The following FDFT1 variants were observed in gnomAD, a reference collection of about 807,000 sequenced individuals.
The protein encoded by FDFT1 is farnesyl-diphosphate farnesyltransferase 1.
Under a neutral mutation model 46.8 loss-of-function variants are expected in FDFT1, and 68 were observed. The ratio of observed to expected loss-of-function variants is 1.45; its 90% CI spans 1.19 to 1.78. The LOEUF is 1.78. Ranked by LOEUF, FDFT1 falls within the 40% of genes most tolerant of loss-of-function variation. The pLI is 0.00. For synonymous variants in FDFT1, 351 were observed against 185.1 expected (o/e 1.90, Z -7.28); for missense variants, 928 against 524.4 (o/e 1.77, Z -7.52).
intron 3 of FDFT1, among the ~76,000 whole-genome samples, chr8:11,810,601 G>C (rs779241003): frequency 1.3e-5 from 2 of 152,146 alleles, no homozygotes; most frequent in Non-Finnish European, 2.9e-5. Flanking sequence ...AGTAAAGTGG[G>C]TTATAGTTAA....
intron 3 of FDFT1, among the ~76,000 whole-genome samples, chr8:11,812,064 G>A (rs551206515): frequency 6.0e-4 from 92 of 152,320 alleles, no homozygotes; most frequent in Admixed American, 3.3e-3. Flanking sequence ...TGATACCTTG[G>A]CCTCACACAC....
At chr8:11,835,225 C>G (rs1033032969) in intron 7 of FDFT1, among the ~76,000 whole-genome samples, 1 of 152,170 alleles carries the variant, frequency 6.6e-6, no homozygotes, top group Non-Finnish European at 1.5e-5. Flanking sequence ...TTGATTGAGG[C>G]TAGTAGGTTT....
In FDFT1 at chr8:11,826,118, A is replaced by C; in HGVS notation, c.605A>C (p.Glu202Ala). Residue 202 changes from glutamate to alanine, a missense_variant, in exon 5 of 8, where the codon GAA becomes GCA. Transcript: ENST00000220584. ...FEDPLVGEDT[E>A]RANSMGLFLQ... ...GACCCCTTAGTTGGTGAAGATACAGAACGTGCCAACTCTATGGGCCTGTTT... is the reference window on the plus strand; with the variant it reads ...GACCCCTTAGTTGGTGAAGATACAGCACGTGCCAACTCTATGGGCCTGTTT... 1 of 1,610,304 alleles carries C rather than the reference A, an allele frequency of 6.2e-7. No homozygotes were observed. The highest frequency in any genetic ancestry group is 8.5e-7 in the Non-Finnish European group (1 of 1,177,108).
chr8:11,823,897 C>G (rs988576204), intron 4 of FDFT1, among the ~76,000 whole-genome samples: 4 of 152,192 alleles, frequency 2.6e-5, no homozygotes, highest in Non-Finnish European at 4.4e-5. Context: ...GTCCACACCA[C>G]TACACCAGGC....
intron 3 of FDFT1, among the ~76,000 whole-genome samples, chr8:11,820,049 T>C (rs370655886): frequency 6.6e-5 from 10 of 152,224 alleles, no homozygotes; most frequent in East Asian, 3.8e-4. Context: ...TCCTTTTTGT[T>C]GATATTGATC....
chr8:11,824,088 CTT>C (rs1433399984), intron 4 of FDFT1, among the ~76,000 whole-genome samples: 1 of 152,110 alleles, frequency 6.6e-6, no homozygotes, highest in African/African-American at 2.4e-5. Flanking sequence ...GTCTAAAACT[CTT>C]GGGCTCAAGC....
At chr8:11,808,311 G>A in intron 1 of FDFT1, 2 of 1,228,208 alleles carry the variant, frequency 1.6e-6, no homozygotes, top group Non-Finnish European at 1.0e-6. Context: ...GCGGCCAGTG[G>A]GTTCTGGTGA....
chr8:11,821,901 T>C (rs750166678), intron 4 of FDFT1, 23 bp downstream of exon 4: 3 of 1,607,168 alleles, frequency 1.9e-6, no homozygotes, highest in Non-Finnish European at 2.5e-6. Flanking sequence ...AAACAGTGTC[T>C]GTGTGTGATG....
At chr8:11,828,724 G>A (rs1243219233) in intron 5 of FDFT1, among the ~76,000 whole-genome samples, 1 of 152,272 alleles carries the variant, frequency 6.6e-6, no homozygotes, top group Non-Finnish European at 1.5e-5. Context: ...AGAGTGCTTA[G>A]TAAAGGTTCT....
chr8:11,812,502 C>G (rs918147399), intron 3 of FDFT1, among the ~76,000 whole-genome samples: 1 of 152,188 alleles, frequency 6.6e-6, no homozygotes, highest in African/African-American at 2.4e-5. Context: ...ATATGGGGAT[C>G]AGCTGTCTGT....
At chr8:11,803,438 A>T in intron 1 of FDFT1, 16 of 1,285,816 alleles carry the variant, frequency 1.2e-5, no homozygotes, top group Middle Eastern at 2.4e-4. Flanking sequence ...GTGCTTCCTG[A>T]GTTTTAAAAT....
At chr8:11,832,859 C>G (rs970880594) in intron 7 of FDFT1, among the ~76,000 whole-genome samples, 4 of 152,148 alleles carry the variant, frequency 2.6e-5, no homozygotes, top group Non-Finnish European at 1.5e-5. Context: ...TGCCTGAGCT[C>G]CCTCCCCAGA....
chr8:11,836,970 CAG>C (rs1811624246), intron 7 of FDFT1, among the ~76,000 whole-genome samples: 1 of 152,236 alleles, frequency 6.6e-6, no homozygotes, highest in Non-Finnish European at 1.5e-5. Flanking sequence ...GCGGTGTAGT[CAG>C]GGTGAAAACT....
intron 1 of FDFT1, among the ~76,000 whole-genome samples, chr8:11,804,157 C>G (rs1398826733): frequency 6.6e-6 from 1 of 152,188 alleles, no homozygotes; most frequent in Non-Finnish European, 1.5e-5. Context: ...GGAAGAGAGA[C>G]AATTTAAGAA....
intron 6 of FDFT1, among the ~76,000 whole-genome samples, chr8:11,830,868 A>G (rs1222830092): frequency 6.6e-6 from 1 of 152,200 alleles, no homozygotes; most frequent in African/African-American, 2.4e-5. Flanking sequence ...AGGAACTTAC[A>G]CTTTTTAGTT....
chr8:11,802,660 C>G (rs889296376), upstream of FDFT1: 1 of 612,082 alleles, frequency 1.6e-6, no homozygotes, highest in South Asian at 1.9e-5. Flanking sequence ...GCCCCGCTGG[C>G]GGCCGAGGCC....
intron 3 of FDFT1, among the ~76,000 whole-genome samples, chr8:11,816,782 GGTTT>G (rs1808517693): frequency 6.6e-6 from 1 of 152,000 alleles, no homozygotes; most frequent in African/African-American, 2.4e-5. Context: ...GAGACGATGG[GGTTT>G]TCTAAATATA....
chr8:11,829,735 T>TA (rs1156538055), intron 5 of FDFT1, among the ~76,000 whole-genome samples: 1 of 152,210 alleles, frequency 6.6e-6, no homozygotes, highest in Non-Finnish European at 1.5e-5. Flanking sequence ...ACTGGACACT[T>TA]ACTGGTAGTC....
At chr8:11,814,047 AAG>A (rs1180792259) in intron 3 of FDFT1, among the ~76,000 whole-genome samples, 2 of 152,178 alleles carry the variant, frequency 1.3e-5, no homozygotes, top group Non-Finnish European at 2.9e-5. Context: ...TCAGAAGTGA[AAG>A]TGTTTTGGAG....
Sources: allele counts gnomAD v4.1 joint callset (sites outside exome capture counted in the v4.1 genomes callset), GRCh38; gene constraint gnomAD v4.1.1; transcripts MANE v1.5; gene names NCBI Gene and HGNC (gene_info 2026-07-23, HGNC 2026-07-21).